The following RANBP2 variants were observed in gnomAD, a reference collection of about 807,000 sequenced individuals.
RANBP2 encodes RAN binding protein 2, also known as E3 SUMO-protein ligase RanBP2.
In RANBP2, 57 loss-of-function variants were observed where a neutral mutation model predicts 303.6. The ratio of observed to expected loss-of-function variants is 0.19; its 90% CI spans 0.15 to 0.23. The LOEUF (loss-of-function observed/expected upper bound fraction) is 0.23. RANBP2 is among the 10% of genes least tolerant of loss of function. The probability of loss-of-function intolerance (pLI) is 1.00; values close to 1 mark genes in which losing one functional copy is unlikely to be tolerated. For synonymous variants in RANBP2, 1,167 were observed against 1,301.5 expected (o/e 0.90, Z 2.23); for missense variants, 3,138 against 3,780.8 (o/e 0.83, Z 4.46).
At chr2:109,309,613 C>T in the RANBP2 span, among the ~76,000 whole-genome samples, 1,928 of 117,378 alleles carry the variant, frequency 0.016, 393 homozygotes, top group African/African-American at 0.08. Context: ...ACCCATCTCA[C>T]GTGCAGAGAC....
the RANBP2 span, among the ~76,000 whole-genome samples, chr2:109,159,635 T>G: frequency 6.6e-6 from 1 of 152,214 alleles, no homozygotes; most frequent in African/African-American, 2.4e-5. Context: ...TGTTAGGAAC[T>G]GGGTTGCACA....
the RANBP2 span, among the ~76,000 whole-genome samples, chr2:108,918,288 CTG>C: frequency 6.6e-6 from 1 of 152,188 alleles, no homozygotes; most frequent in Non-Finnish European, 1.5e-5. Context: ...GGGTCTATGC[CTG>C]TCTACTGAGG....
At chr2:109,721,404 A>G in the RANBP2 span, among the ~76,000 whole-genome samples, 162 of 152,356 alleles carry the variant, frequency 1.1e-3, 3 homozygotes, top group East Asian at 0.01. Flanking sequence ...AAGCCTGTGC[A>G]GAAACACGCT....
At chr2:109,151,198 C>T in the RANBP2 span, among the ~76,000 whole-genome samples, 1 of 152,194 alleles carries the variant, frequency 6.6e-6, no homozygotes, top group Admixed American at 6.5e-5. Flanking sequence ...AATATGTGTC[C>T]AGTGGCCCAG....
chr2:109,445,460 G>C, the RANBP2 span, among the ~76,000 whole-genome samples: 1 of 152,094 alleles, frequency 6.6e-6, no homozygotes, highest in Non-Finnish European at 1.5e-5. Flanking sequence ...TACTTACATA[G>C]AAATGAATAA....
the RANBP2 span, among the ~76,000 whole-genome samples, chr2:109,005,396 C>A: frequency 6.6e-6 from 1 of 152,208 alleles, no homozygotes; most frequent in African/African-American, 2.4e-5. Flanking sequence ...CCTCTCCAAG[C>A]TGACTTTCCA....
chr2:109,681,530 T>G, the RANBP2 span, among the ~76,000 whole-genome samples: 4 of 152,136 alleles, frequency 2.6e-5, no homozygotes, highest in African/African-American at 9.7e-5. Flanking sequence ...GGAGGAAACT[T>G]TTAGGTGAGT....
chr2:109,100,563 C>T, the RANBP2 span, among the ~76,000 whole-genome samples: 1 of 152,082 alleles, frequency 6.6e-6, no homozygotes, highest in African/African-American at 2.4e-5. Context: ...GGGGCTCTAC[C>T]CCAGAAGAGC....
chr2:108,749,331 CTT>C (rs1234797201), intron 9 of RANBP2, among the ~76,000 whole-genome samples: 1 of 152,060 alleles, frequency 6.6e-6, no homozygotes, highest in Non-Finnish European at 1.5e-5. Context: ...AAGTTTTGCT[CTT>C]GTCGCCCATG....
chr2:108,773,663 G>A (rs186410598), intron 23 of RANBP2, among the ~76,000 whole-genome samples: 149 of 149,926 alleles, frequency 9.9e-4, no homozygotes, highest in African/African-American at 3.4e-3. Flanking sequence ...TTTTTTTTGG[G>A]GGGGGATGGA....
At chr2:108,739,844 G>C (rs983375884) in intron 6 of RANBP2, among the ~76,000 whole-genome samples, 4 of 152,050 alleles carry the variant, frequency 2.6e-5, no homozygotes, top group Admixed American at 6.6e-5. Flanking sequence ...AAAGTTTAGC[G>C]GGGCATGGTG....
At chr2:109,402,490 G>A in the RANBP2 span, among the ~76,000 whole-genome samples, 6 of 152,222 alleles carry the variant, frequency 3.9e-5, no homozygotes, top group Admixed American at 3.9e-4. Context: ...CTGCCATCGT[G>A]GGAAACGTGG....
At chr2:108,937,858 C>T in the RANBP2 span, among the ~76,000 whole-genome samples, 2,222 of 152,236 alleles carry the variant, frequency 0.015, 25 homozygotes, top group South Asian at 0.029. Flanking sequence ...ACCAAATGGC[C>T]CTGAGCCCTC....
the RANBP2 span, among the ~76,000 whole-genome samples, chr2:109,561,686 C>T: frequency 6.6e-6 from 1 of 152,120 alleles, no homozygotes; most frequent in Non-Finnish European, 1.5e-5. Flanking sequence ...TTACCAACTA[C>T]ACCCCTAAAC....
chr2:109,435,617 C>T, the RANBP2 span, among the ~76,000 whole-genome samples: 1 of 152,294 alleles, frequency 6.6e-6, no homozygotes, highest in South Asian at 2.1e-4. Context: ...TAGGACTAGC[C>T]AAGGGTATCT....
chr2:109,702,442 T>C, the RANBP2 span, among the ~76,000 whole-genome samples: 9 of 152,326 alleles, frequency 5.9e-5, no homozygotes, highest in Admixed American at 1.3e-4. Flanking sequence ...CTATGTTCCA[T>C]GGCTGACCTG....
the RANBP2 span, among the ~76,000 whole-genome samples, chr2:108,975,213 G>A: frequency 6.6e-6 from 1 of 152,218 alleles, no homozygotes; most frequent in Non-Finnish European, 1.5e-5. Context: ...AGGGGCAAAG[G>A]AGAGAGAGGA....
chr2:109,731,396 AT>A, the RANBP2 span, among the ~76,000 whole-genome samples: 85 of 147,540 alleles, frequency 5.8e-4, no homozygotes, highest in Middle Eastern at 3.5e-3. Context: ...TAGTTTTTTA[AT>A]TTTTTTTTTT....
the RANBP2 span, among the ~76,000 whole-genome samples, chr2:108,865,678 C>T: frequency 6.6e-6 from 1 of 152,138 alleles, no homozygotes; most frequent in Non-Finnish European, 1.5e-5. Flanking sequence ...CTTCTGAGAC[C>T]ATGGAGACTG....
Sources: gnomAD v4.1 joint callset for allele counts (sites outside exome capture counted in the v4.1 genomes callset) on GRCh38, gnomAD v4.1.1 for gene constraint, MANE v1.5 for transcripts, NCBI Gene and HGNC (gene_info 2026-07-23, HGNC 2026-07-21) for gene names.